Variants in TRADD observed in about 807,000 individuals in gnomAD.
TRADD encodes tumor necrosis factor receptor type 1-associated DEATH domain protein.
In TRADD, 14 loss-of-function variants were observed where a neutral mutation model predicts 31.5. The ratio of observed to expected loss-of-function variants is 0.44; its 90% CI spans 0.29 to 0.69. The LOEUF (loss-of-function observed/expected upper bound fraction) is 0.69, where lower values mean the gene tolerates loss of function less well. Ranked by LOEUF, TRADD falls within the 30% of genes least tolerant of loss-of-function variation. TRADD has a pLI of 0.11. For synonymous variants in TRADD, 220 were observed against 215.8 expected (o/e 1.02, Z -0.17); for missense variants, 388 against 435.7 (o/e 0.89, Z 0.97).
chr16:67,155,591 A>G lies in TRADD; in HGVS notation c.215T>C (p.Ile72Thr). The G allele has an allele frequency of 1.9e-6, 3 of 1,549,702 alleles. No homozygotes were observed. The highest frequency in any genetic ancestry group is 2.6e-6 in the Non-Finnish European group (3 of 1,155,344). ...LKIHRSDPQL[I>T]VQLRFCGRQP... ...CCGCCCGCAGAATCGCAGCTGCACG[A>G]TCAGCTGCGGGTCGCTGCGGTGGAT... The change falls in exon 3 of 5, where the codon ATC (isoleucine) becomes ACC (threonine). Residue 72 changes from isoleucine (I) to threonine (T), a missense_variant. Physicochemically the swap from Ile to Thr is moderately conservative, Grantham distance 89. Coordinates refer to ENST00000345057, the MANE Select transcript of TRADD (RefSeq NM_003789.4).
In TRADD at chr16:67,156,666, C is replaced by G. The variant is rs1567663571; in HGVS notation, c.-6G>C. On this transcript the variant is annotated splice_region_variant and 5_prime_UTR_variant, in exon 2 of 5. Transcript: ENST00000345057. The surrounding 1 kb of genome is among the most constrained non-coding windows in gnomAD (Gnocchi z 4.6). ...CCATTTTGCCCAGCTGCCATCTCACCTCCTGGAGATGCAGACAGTCAGGTA... is the reference window on the plus strand; with the variant it reads ...CCATTTTGCCCAGCTGCCATCTCACGTCCTGGAGATGCAGACAGTCAGGTA... 6.2e-7 allele frequency: 1 copy of G among 1,613,922 alleles called. No individual in the cohort carries two copies. The highest frequency in any genetic ancestry group is 1.1e-5 in the South Asian group (1 of 91,084).
At chr16:67,157,187 G>A (rs1018223533) in intron 1 of TRADD, among the ~76,000 whole-genome samples, 10 of 152,190 alleles carry the variant, frequency 6.6e-5, no homozygotes, top group Non-Finnish European at 1.5e-4. Context: ...CCTGTAGTTT[G>A]CATCTACCCA....
rs2030707170 is a variant in TRADD at position 67,156,595 on chromosome 16, C to T, written c.66G>A (p.Ser22=). The T allele has an allele frequency of 6.2e-7, 1 of 1,614,130 alleles. No homozygotes were observed. Among genetic ancestry groups the T allele is most frequent in the Non-Finnish European group, 8.5e-7 (1 of 1,180,038 alleles). The change falls in exon 2 of 5, where the codon TCG becomes TCA. Residue 22 remains serine, a synonymous_variant. Coordinates refer to ENST00000345057, the MANE Select transcript of TRADD (RefSeq NM_003789.4). This position sits in a 1 kb window ranked among gnomAD's most constrained non-coding sequence, Gnocchi z 4.6. ...VGSAYLFVES[S]LDKVVLSDAY... Reference sequence around the variant, plus strand: ...CATCCGACAGGACCACCTTGTCCAGCGAGGACTCCACAAACAGGTATGCGC... The same window carrying T: ...CATCCGACAGGACCACCTTGTCCAGTGAGGACTCCACAAACAGGTATGCGC...
At chr16:67,155,864 C>T in intron 2 of TRADD, 2 of 1,516,178 alleles carry the variant, frequency 1.3e-6, no homozygotes, top group East Asian at 4.9e-5. Context: ...AGGGAGCACC[C>T]TAAGACAGAG....
Position 67,156,067 on chromosome 16 carries a change from A to G in TRADD, c.152-413T>C. 1 of 1,351,862 alleles carries G rather than the reference A, an allele frequency of 7.4e-7. No homozygotes were observed. The highest frequency in any genetic ancestry group is 9.7e-7 in the Non-Finnish European group (1 of 1,030,756). 83.7% of individuals were successfully genotyped at this position (1,351,862 alleles called of 1,614,324 possible). On this transcript the variant is annotated intron_variant, in intron 2 of 4. Transcript: ENST00000345057. This position sits in a 1 kb window ranked among gnomAD's most constrained non-coding sequence, Gnocchi z 4.6. ...GCGCGACTCCCACTGCTCGGGAAGA[A>G]GAGGGGCTCTCGCCGCTCTGAGGCC... is the stretch of plus-strand genomic sequence containing the variant.
At position 67,156,222 on chromosome 16, in the gene TRADD, G is replaced by A; in HGVS notation, c.151+288C>T. ...GTGCTGCAGTAAGAGAGGAAAAGAG[G>A]AGAGAGACATCCACAATTAGTAGAA... is the stretch of plus-strand genomic sequence containing the variant. On this transcript the variant is annotated intron_variant, in intron 2 of 4. Transcript: ENST00000345057. The surrounding 1 kb of genome is among the most constrained non-coding windows in gnomAD (Gnocchi z 4.6). 6 of 1,456,300 alleles carry A rather than the reference G, an allele frequency of 4.1e-6. No homozygotes were observed. The highest frequency in any genetic ancestry group is 5.5e-6 in the Non-Finnish European group (6 of 1,095,340). The allele number at this position is 1,456,300 out of a possible 1,614,324, so 90.2% of individuals were successfully genotyped here.
rs2030607811 is a variant in TRADD at position 67,154,914 on chromosome 16, G to A, written c.674C>T (p.Ser225Phe). The change falls in exon 5 of 5, where the codon TCT becomes TTT. Residue 225 changes from serine to phenylalanine, a missense_variant. By Grantham distance (155) the Ser-to-Phe change is radical (BLOSUM62 -2). Coordinates refer to ENST00000345057, the MANE Select transcript of TRADD (RefSeq NM_003789.4). This position sits in a 1 kb window ranked among gnomAD's most constrained non-coding sequence, Gnocchi z 5.2. ...SLKDQQTFAR[S>F]VGLKWRKVGR... ...CACCTTGCGCCATTTGAGACCCACA[G>A]AGCGCGCGAACGTCTGTTGGTCCTT... is the stretch of plus-strand genomic sequence containing the variant. 6.2e-7 allele frequency: 1 copy of A among 1,607,866 alleles called. No individual in the cohort carries two copies. The highest frequency in any genetic ancestry group is 8.5e-7 in the Non-Finnish European group (1 of 1,177,488).
In TRADD at chr16:67,156,371, A is replaced by G. The variant is rs922527194; in HGVS notation, c.151+139T>C. The stretch of plus-strand genomic sequence containing the variant: ...CTCAAGGTCATGCCACAAGCAAAGA[A>G]GAGAGTCTGCACAGCCAGGGGTCCT... On this transcript the variant is annotated intron_variant, in intron 2 of 4. Coordinates refer to ENST00000345057, the MANE Select transcript of TRADD (RefSeq NM_003789.4). This position sits in a 1 kb window ranked among gnomAD's most constrained non-coding sequence, Gnocchi z 4.6. 1 of 1,354,730 alleles carries G rather than the reference A, an allele frequency of 7.4e-7. No individual in the cohort carries two copies. Among genetic ancestry groups the G allele is most frequent in the South Asian group, 1.2e-5 (1 of 80,454 alleles). 83.9% of individuals were successfully genotyped at this position (1,354,730 alleles called of 1,614,324 possible).
rs552199125 is a variant in TRADD, at chr16:67,157,290, G to C, written c.-8-622C>G. ...GTGTCCCACTCCCTAGTTCCAGGTC[G>C]GGCTTGTGTACCAGACCTGGCCAAT... On this transcript the variant is annotated intron_variant, in intron 1 of 4. Coordinates refer to ENST00000345057, the MANE Select transcript of TRADD (RefSeq NM_003789.4). Among the ~76,000 whole-genome samples the C allele has an allele frequency of 2.6e-5, 4 of 152,262 alleles. No homozygotes were observed. In the South Asian group the frequency reaches 8.3e-4, roughly 32 times the overall value.
At position 67,155,121 on chromosome 16, in the gene TRADD, A is replaced by T; in HGVS notation, c.603T>A (p.Thr201=). 6.5e-7 allele frequency: 1 copy of T among 1,544,908 alleles called. No homozygotes were observed. The highest frequency in any genetic ancestry group is 8.7e-7 in the Non-Finnish European group (1 of 1,148,170). ...CTACAGGCTGACCCTGGAACAGAAA[A>T]GTCTGGGCAGGTGGCGGCGGCGGCG... The part of the protein sequence containing the change: ...KPPPPPPPAQ[T]FLFQGQPVVN... The change falls in exon 4 of 5, where the codon ACT becomes ACA. Residue 201 remains threonine, a synonymous_variant. Transcript: ENST00000345057.
At chr16:67,157,939 A>G (rs1489375780) in intron 1 of TRADD, among the ~76,000 whole-genome samples, 1 of 151,942 alleles carries the variant, frequency 6.6e-6, no homozygotes, top group Non-Finnish European at 1.5e-5. Flanking sequence ...TCCTATAATC[A>G]TGGGCTCAAG....
intron 1 of TRADD, among the ~76,000 whole-genome samples, chr16:67,157,004 CTG>C (rs2030723570): frequency 6.6e-6 from 1 of 152,210 alleles, no homozygotes; most frequent in Non-Finnish European, 1.5e-5. Flanking sequence ...CTTCTCAGGC[CTG>C]TGTGTCTCTC....
In TRADD at chr16:67,156,402, T is replaced by C; in HGVS notation, c.151+108A>G. 3 of 1,547,084 alleles carry C rather than the reference T, an allele frequency of 1.9e-6. No homozygotes were observed. Among genetic ancestry groups the C allele is most frequent in the Non-Finnish European group, 2.6e-6 (3 of 1,138,900 alleles). The stretch of plus-strand genomic sequence containing the variant: ...TCTGCACAGCCAGGGGTCCTCCGTC[T>C]TGCTCCTCCCACCCCAAATCTTCTT... On this transcript the variant is annotated intron_variant, in intron 2 of 4. Transcript: ENST00000345057. The surrounding 1 kb of genome is among the most constrained non-coding windows in gnomAD (Gnocchi z 4.6).
chr16:67,156,011 C>T lies in TRADD; in HGVS notation c.152-357G>A. The T allele has an allele frequency of 7.2e-7, 1 of 1,388,632 alleles. No individual in the cohort carries two copies. The highest frequency in any genetic ancestry group is 3.7e-5 in the East Asian group (1 of 26,910). The allele number at this position is 1,388,632 out of a possible 1,614,324, so 86.0% of individuals were successfully genotyped here. On this transcript the variant is annotated intron_variant, in intron 2 of 4. Coordinates refer to ENST00000345057, the MANE Select transcript of TRADD (RefSeq NM_003789.4). This position sits in a 1 kb window ranked among gnomAD's most constrained non-coding sequence, Gnocchi z 4.6. ...AGGCGGCCAGCAGGGCAGAGGAGGG[C>T]GAGAGGTCTCAGGTCTTCGGCCTCC...
In TRADD at chr16:67,155,199, G is replaced by A; in HGVS notation, c.525C>T (p.Val175=). The A allele has an allele frequency of 6.3e-7, 1 of 1,584,434 alleles. No homozygotes were observed. Among genetic ancestry groups the A allele is most frequent in the Non-Finnish European group, 8.6e-7 (1 of 1,167,710 alleles). Residue 175 remains valine (V), a synonymous_variant, in exon 4 of 5, where the codon GTC becomes GTT. Coordinates refer to ENST00000345057, the MANE Select transcript of TRADD (RefSeq NM_003789.4). Reference sequence around the variant, plus strand: ...CCGGGGGCTGCAAGGGGGCCGAAGCGACCTCCCCGTCGCCACCCCGGGCCC... The same window carrying A: ...CCGGGGGCTGCAAGGGGGCCGAAGCAACCTCCCCGTCGCCACCCCGGGCCC... ...GSGARGGDGE[V]ASAPLQPPVP...
chr16:67,156,274 G>T lies in TRADD; in HGVS notation c.151+236C>A. On this transcript the variant is annotated intron_variant, in intron 2 of 4. Coordinates refer to ENST00000345057, the MANE Select transcript of TRADD (RefSeq NM_003789.4). This position sits in a 1 kb window ranked among gnomAD's most constrained non-coding sequence, Gnocchi z 4.6. ...GGAGTGAGCCGGCTGGTGGAGGGGG[G>T]CGGGGATGGAGCAAAGGACGTTAGT... The T allele has an allele frequency of 8.1e-7, 1 of 1,231,120 alleles. No homozygotes were observed. The highest frequency in any genetic ancestry group is 1.1e-6 in the Non-Finnish European group (1 of 891,042). 76.3% of individuals were successfully genotyped at this position (1,231,120 alleles called of 1,614,324 possible). A position where few individuals can be genotyped will look rare whatever the true frequency, so the allele number is the denominator to read the frequency against.
Position 67,156,405 on chromosome 16 carries a change from C to T in TRADD, c.151+105G>A. The T allele has an allele frequency of 6.4e-7, 1 of 1,556,008 alleles. No individual in the cohort carries two copies. The highest frequency in any genetic ancestry group is 8.7e-7 in the Non-Finnish European group (1 of 1,146,190). Reference sequence around the variant, plus strand: ...GCACAGCCAGGGGTCCTCCGTCTTGCTCCTCCCACCCCAAATCTTCTTCTT... The same window carrying T: ...GCACAGCCAGGGGTCCTCCGTCTTGTTCCTCCCACCCCAAATCTTCTTCTT... On this transcript the variant is annotated intron_variant, in intron 2 of 4. Coordinates refer to ENST00000345057, the MANE Select transcript of TRADD (RefSeq NM_003789.4). This position sits in a 1 kb window ranked among gnomAD's most constrained non-coding sequence, Gnocchi z 4.6.
In TRADD at chr16:67,154,732, C is replaced by T. The variant is rs748161230; in HGVS notation, c.856G>A (p.Val286Met). ...AGCTCGTTCTCCTCGAGTGCCTCCA[C>T]CAGGCGCTGCAGCGTGGCGCGGCGG... ...EGRRATLQRL[V>M]EALEENELTS... The change falls in exon 5 of 5, where the codon GTG (valine) becomes ATG (methionine). Residue 286 changes from valine (V) to methionine (M), a missense_variant. Val to Met is a conservative substitution (Grantham distance 21). Transcript: ENST00000345057. The surrounding 1 kb of genome is among the most constrained non-coding windows in gnomAD (Gnocchi z 5.2). 1 of 1,611,972 alleles carries T rather than the reference C, an allele frequency of 6.2e-7. No individual in the cohort carries two copies. Among genetic ancestry groups the T allele is most frequent in the Admixed American group, 1.7e-5 (1 of 59,910 alleles).
Position 67,155,461 on chromosome 16 carries a change from T to A in TRADD, c.345A>T (p.Gln115His), listed in dbSNP as rs1213570759. ...GCTCGGCGCCGGCGCGCAGCTCCAG[T>A]TGCAGCGGCACCGAGTGCTGGGCGA... is the stretch of plus-strand genomic sequence containing the variant. Reference protein sequence around the residue: ...AALAQHSVPLQLELRAGAERL... With the variant: ...AALAQHSVPLHLELRAGAERL... The change falls in exon 3 of 5, where the codon CAA (glutamine) becomes CAT (histidine). Residue 115 changes from glutamine (Q) to histidine (H), a missense_variant. Physicochemically the swap from Gln to His is conservative, Grantham distance 24. Coordinates refer to ENST00000345057, the MANE Select transcript of TRADD (RefSeq NM_003789.4). The A allele has an allele frequency of 6.3e-7, 1 of 1,591,646 alleles. No individual in the cohort carries two copies. The highest frequency in any genetic ancestry group is 1.7e-5 in the Admixed American group (1 of 59,352).
Sources: gnomAD v4.1 joint callset for allele counts (sites outside exome capture counted in the v4.1 genomes callset) on GRCh38, gnomAD v4.1.1 for gene constraint, Gnocchi (gnomAD v3.1) non-coding constraint, MANE v1.5 for transcripts, NCBI Gene and HGNC (gene_info 2026-07-23, HGNC 2026-07-21) for gene names.